Variants in ALDH1A2 observed in about 807,000 individuals in gnomAD.
ALDH1A2 encodes the protein aldehyde dehydrogenase 1 family member A2, also known as retinal dehydrogenase 2.
A neutral mutation model predicts 60.3 loss-of-function variants in ALDH1A2; 27 were observed. The ratio of observed to expected loss-of-function variants is 0.45; its 90% CI spans 0.33 to 0.62. The LOEUF is 0.62. Among genes scored for constraint, ALDH1A2 ranks in the 20% least tolerant of loss-of-function variants. The pLI is 0.02. For synonymous variants in ALDH1A2, 289 were observed against 232.4 expected (o/e 1.24, Z -2.21); for missense variants, 581 against 643.8 (o/e 0.90, Z 1.06).
intron 4 of ALDH1A2, among the ~76,000 whole-genome samples, chr15:58,005,014 C>A (rs1895403404): frequency 6.6e-6 from 1 of 151,778 alleles, no homozygotes; most frequent in African/African-American, 2.4e-5. Flanking sequence ...AAGGCACTCA[C>A]CTATTTAATT....
chr15:57,959,998 T>C (rs1893668232), intron 12 of ALDH1A2, among the ~76,000 whole-genome samples: 1 of 152,146 alleles, frequency 6.6e-6, no homozygotes, highest in Non-Finnish European at 1.5e-5. Flanking sequence ...CCCCCTTCTC[T>C]ATCCAAGCAT....
intron 1 of ALDH1A2, among the ~76,000 whole-genome samples, chr15:58,032,259 A>C (rs1381773843): frequency 6.6e-6 from 1 of 152,136 alleles, no homozygotes; most frequent in African/African-American, 2.4e-5. Context: ...GCAAGGACGA[A>C]AAACCAAACA....
At chr15:57,992,021 T>G (rs1894912915) in intron 7 of ALDH1A2, among the ~76,000 whole-genome samples, 1 of 152,204 alleles carries the variant, frequency 6.6e-6, no homozygotes, top group Non-Finnish European at 1.5e-5. Flanking sequence ...GCCTACAAGC[T>G]AAAACCAGTT....
intron 1 of ALDH1A2, among the ~76,000 whole-genome samples, chr15:58,030,535 G>A (rs1339074391): frequency 6.6e-6 from 1 of 152,132 alleles, no homozygotes; most frequent in African/African-American, 2.4e-5. Flanking sequence ...GGAAGTTCTG[G>A]TCAGGGCAAT....
intron 1 of ALDH1A2, among the ~76,000 whole-genome samples, chr15:58,061,756 C>A (rs1897045591): frequency 6.6e-6 from 1 of 152,050 alleles, no homozygotes; most frequent in Non-Finnish European, 1.5e-5. Context: ...TTTCTACTCT[C>A]TCTCCTTCAA....
intron 7 of ALDH1A2, among the ~76,000 whole-genome samples, chr15:57,984,386 T>C (rs1341411350): frequency 6.6e-6 from 1 of 152,230 alleles, no homozygotes; most frequent in East Asian, 1.9e-4. Flanking sequence ...ATAACTCATA[T>C]ACCATAAAAT....
chr15:58,031,744 A>T (rs1448421046), intron 1 of ALDH1A2, among the ~76,000 whole-genome samples: 2 of 152,234 alleles, frequency 1.3e-5, no homozygotes, highest in Non-Finnish European at 2.9e-5. Context: ...GCCAACAGAC[A>T]CCTGAAAAAA....
At position 58,010,679 on chromosome 15, in the gene ALDH1A2, C is replaced by T; in HGVS notation, c.463G>A (p.Asp155Asn). ...KTFRYYAGWA[D>N]KIHGMTIPVD... ...GGAATGGTCATCCCATGAATTTTAT[C>T]AGCCCAGCCTGCGTAATATCGAAAG... Residue 155 changes from aspartate to asparagine, a missense_variant, in exon 4 of 13, where the codon GAT (aspartate) becomes AAT (asparagine). Physicochemically the swap from Asp to Asn is conservative, Grantham distance 23. This residue lies in a region of ALDH1A2 where 375 missense variants were observed against 469.7 expected (regional missense o/e 0.80). Coordinates refer to ENST00000249750, the MANE Select transcript of ALDH1A2 (RefSeq NM_003888.4). 1 of 1,613,406 alleles carries T rather than the reference C, an allele frequency of 6.2e-7. No homozygotes were observed. The highest frequency in any genetic ancestry group is 8.5e-7 in the Non-Finnish European group (1 of 1,179,474).
chr15:57,976,822 T>C (rs1179242847), intron 7 of ALDH1A2, among the ~76,000 whole-genome samples: 1 of 152,228 alleles, frequency 6.6e-6, no homozygotes, highest in African/African-American at 2.4e-5. Context: ...TAGTTCTAGA[T>C]CCTTGAGGAA....
intron 7 of ALDH1A2, among the ~76,000 whole-genome samples, chr15:57,982,287 G>T (rs966138460): frequency 2.0e-5 from 3 of 152,200 alleles, no homozygotes; most frequent in Admixed American, 6.5e-5. Context: ...TAATGTGAAT[G>T]AATCCACTCA....
intron 1 of ALDH1A2, among the ~76,000 whole-genome samples, chr15:58,061,097 C>T (rs1416597308): frequency 6.6e-6 from 1 of 152,084 alleles, no homozygotes; most frequent in African/African-American, 2.4e-5. Context: ...AAATAAAGAA[C>T]GAGGAGTCCC....
chr15:57,978,905 A>C (rs1297310535), intron 7 of ALDH1A2, among the ~76,000 whole-genome samples: 3 of 152,194 alleles, frequency 2.0e-5, no homozygotes, highest in African/African-American at 7.2e-5. Context: ...GCATGGTGGC[A>C]CATGTCTGTA....
intron 1 of ALDH1A2, among the ~76,000 whole-genome samples, chr15:58,034,293 A>T (rs1896320679): frequency 6.6e-6 from 1 of 151,800 alleles, no homozygotes; most frequent in African/African-American, 2.4e-5. Flanking sequence ...ATAAGAAATC[A>T]AATGACTTTT....
intron 1 of ALDH1A2, among the ~76,000 whole-genome samples, chr15:58,060,660 T>C (rs951123800): frequency 3.3e-5 from 5 of 152,148 alleles, no homozygotes; most frequent in African/African-American, 1.2e-4. Context: ...TTTTCTAAAA[T>C]GTGGGCTATA....
At chr15:57,988,390 G>A (rs778826564) in intron 7 of ALDH1A2, among the ~76,000 whole-genome samples, 2 of 152,176 alleles carry the variant, frequency 1.3e-5, no homozygotes, top group African/African-American at 4.8e-5. Flanking sequence ...AAAGAAGGCA[G>A]ACAAAGAGGG....
intron 4 of ALDH1A2, among the ~76,000 whole-genome samples, chr15:57,996,921 T>C (rs1895083413): frequency 1.3e-5 from 2 of 152,018 alleles, no homozygotes; most frequent in African/African-American, 4.8e-5. Context: ...TTATATTGTT[T>C]GCTATTTTTC....
intron 1 of ALDH1A2, among the ~76,000 whole-genome samples, chr15:58,028,420 C>G (rs763056204): frequency 2.6e-5 from 4 of 152,178 alleles, no homozygotes; most frequent in Non-Finnish European, 4.4e-5. Context: ...TGGAAAGGAA[C>G]AACTGGTACC....
At chr15:58,014,093 T>C (rs1173792132) in intron 2 of ALDH1A2, 84 bp downstream of exon 2, 4 of 1,613,810 alleles carry the variant, frequency 2.5e-6, no homozygotes, top group African/African-American at 2.7e-5. Flanking sequence ...GAGCATGTAG[T>C]GGTGTACTGA....
chr15:58,042,350 T>C (rs1478846257), intron 1 of ALDH1A2, among the ~76,000 whole-genome samples: 3 of 151,982 alleles, frequency 2.0e-5, no homozygotes, highest in African/African-American at 7.2e-5. Flanking sequence ...AACCCTCCAC[T>C]GTATTGCTTG....
Sources: allele counts gnomAD v4.1 joint callset (sites outside exome capture counted in the v4.1 genomes callset), GRCh38; gene constraint gnomAD v4.1.1; regional missense constraint gnomAD v4.1.1; transcripts MANE v1.5; gene names NCBI Gene and HGNC (gene_info 2026-07-23, HGNC 2026-07-21).